NFATC2: variants seen among roughly 807,000 people sequenced by gnomAD.
The protein encoded by NFATC2 is nuclear factor of activated T-cells, cytoplasmic 2.
Under a neutral mutation model 87.3 loss-of-function variants are expected in NFATC2, and 22 were observed. That is an observed-to-expected ratio of 0.25 (90% confidence interval 0.18 to 0.36). The LOEUF (loss-of-function observed/expected upper bound fraction) is 0.36. NFATC2 is among the 10% of genes least tolerant of loss of function. The pLI is 1.00. For synonymous variants in NFATC2, 565 were observed against 542.2 expected (o/e 1.04, Z -0.58); for missense variants, 1,149 against 1,259.1 (o/e 0.91, Z 1.32).
At chr20:51,412,686 C>T (rs1314453346) in intron 9 of NFATC2, among the ~76,000 whole-genome samples, 1 of 152,098 alleles carries the variant, frequency 6.6e-6, no homozygotes, top group Non-Finnish European at 1.5e-5. Context: ...GATTCCTGGG[C>T]GTCCCCGGCC....
intron 6 of NFATC2, among the ~76,000 whole-genome samples, chr20:51,454,117 A>C (rs1418293832): frequency 6.6e-6 from 1 of 152,170 alleles, no homozygotes; most frequent in African/African-American, 2.4e-5. Flanking sequence ...AGAAATTTTA[A>C]CGGATAGGTA....
intron 1 of NFATC2, among the ~76,000 whole-genome samples, chr20:51,559,321 A>G (rs527892674): frequency 6.6e-6 from 1 of 152,224 alleles, no homozygotes; most frequent in Admixed American, 6.5e-5. Flanking sequence ...TAAGCCTTAT[A>G]CCCTCCACAT....
intron 3 of NFATC2, among the ~76,000 whole-genome samples, chr20:51,505,810 A>C (rs1050595593): frequency 6.6e-6 from 1 of 152,080 alleles, no homozygotes; most frequent in Non-Finnish European, 1.5e-5. Context: ...GGTGAGAGGG[A>C]ACGCCCTCCA....
intron 9 of NFATC2, among the ~76,000 whole-genome samples, chr20:51,422,731 G>C (rs1417581389): frequency 1.3e-5 from 2 of 152,184 alleles, no homozygotes; most frequent in African/African-American, 4.8e-5. Flanking sequence ...GGCAACCACA[G>C]CTACTTCAGG....
intron 9 of NFATC2, among the ~76,000 whole-genome samples, chr20:51,431,168 CA>C (rs1982649601): frequency 6.6e-6 from 1 of 152,144 alleles, no homozygotes; most frequent in East Asian, 1.9e-4. Flanking sequence ...TCTATATCCA[CA>C]AAAAATTTTA....
At chr20:51,510,262 T>C (rs2076251610) in intron 3 of NFATC2, among the ~76,000 whole-genome samples, 1 of 152,138 alleles carries the variant, frequency 6.6e-6, no homozygotes, top group South Asian at 2.1e-4. Context: ...GGTTAAAGGG[T>C]TTGGAAGCCG....
At chr20:51,437,128 A>C (rs887728591) in intron 6 of NFATC2, among the ~76,000 whole-genome samples, 1 of 152,146 alleles carries the variant, frequency 6.6e-6, no homozygotes, top group African/African-American at 2.4e-5. Flanking sequence ...AAAAAAAAAA[A>C]AAACCCTGCA....
At chr20:51,543,975 A>ATTTTTTTTTTTT (rs11473264), upstream of NFATC2, among the ~76,000 whole-genome samples, 79 of 72,980 alleles carry the variant, frequency 1.1e-3, 5 homozygotes, top group East Asian at 2.0e-3. Flanking sequence ...AGAATTCCTA[A>ATTTTTTTTTTTT]TTTTTTTTTT....
At chr20:51,528,420 G>T (rs201122641) in intron 1 of NFATC2, among the ~76,000 whole-genome samples, 2 of 57,502 alleles carry the variant, frequency 3.5e-5, no homozygotes, top group Non-Finnish European at 9.5e-5. Flanking sequence ...AATGTACACA[G>T]ACAGATGTAC....
chr20:51,492,527 G>A (rs1412655683), intron 3 of NFATC2, among the ~76,000 whole-genome samples: 1 of 152,214 alleles, frequency 6.6e-6, no homozygotes, highest in Admixed American at 6.5e-5. Flanking sequence ...AAAAGCCACA[G>A]GGGAAAGCTT....
intron 3 of NFATC2, among the ~76,000 whole-genome samples, chr20:51,512,460 G>A (rs551057541): frequency 1.3e-5 from 2 of 152,088 alleles, no homozygotes; most frequent in East Asian, 1.9e-4. Context: ...TGTATCACCT[G>A]CAACCAGCAC....
chr20:51,548,669 C>T (rs2076908651), intron 1 of NFATC2, among the ~76,000 whole-genome samples: 1 of 152,156 alleles, frequency 6.6e-6, no homozygotes, highest in South Asian at 2.1e-4. Context: ...TATCTGGCAA[C>T]CCCAGCTGTA....
At chr20:51,452,886 G>C (rs1449933229) in intron 6 of NFATC2, 1 of 154,768 alleles carries the variant, frequency 6.5e-6, no homozygotes, top group East Asian at 1.9e-4. Flanking sequence ...TCAGGGGATA[G>C]ATGATGGAGA....
intron 5 of NFATC2, among the ~76,000 whole-genome samples, chr20:51,459,188 G>A (rs149740007): frequency 2.0e-5 from 3 of 152,278 alleles, no homozygotes; most frequent in Non-Finnish European, 4.4e-5. Context: ...TAAACAAAGC[G>A]TGGTCTATCC....
intron 5 of NFATC2, among the ~76,000 whole-genome samples, chr20:51,461,037 C>T (rs1987095396): frequency 6.6e-6 from 1 of 152,210 alleles, no homozygotes. Flanking sequence ...ACGGGGAACT[C>T]CTCCAGGGCA....
chr20:51,396,445 C>G (rs1181274344), intron 10 of NFATC2, among the ~76,000 whole-genome samples: 1 of 152,162 alleles, frequency 6.6e-6, no homozygotes, highest in African/African-American at 2.4e-5. Context: ...CCTTTGACTG[C>G]TGACTTTGGA....
chr20:51,540,667 T>TTTTTTTGGTTTGTTTG (rs1555818370), intron 1 of NFATC2, among the ~76,000 whole-genome samples: 1 of 147,232 alleles, frequency 6.8e-6, no homozygotes, highest in Non-Finnish European at 1.5e-5. Flanking sequence ...TGTTTTTTTT[T>TTTTTTTGGTTTGTTTG]TTTTGAGAAA....
At position 51,480,651 on chromosome 20, in the gene NFATC2, G is replaced by T. The variant is rs1047998518; in HGVS notation, c.1333-4991C>A. Among the ~76,000 whole-genome samples the T allele has an allele frequency of 3.9e-5, 6 of 152,172 alleles. No individual in the cohort carries two copies. The highest frequency in any genetic ancestry group is 1.4e-4 in the African/African-American group (6 of 41,418). On this transcript the variant is annotated intron_variant, in intron 3 of 10. Coordinates refer to ENST00000371564, the MANE Select transcript of NFATC2 (RefSeq NM_012340.5). This position sits in a 1 kb window ranked among gnomAD's most constrained non-coding sequence, Gnocchi z 4.2. ...ATATCTGAATTTCGATGCCAGCTCT[G>T]CTTCTTGATGGCTGTGTGACTGTGA...
At chr20:51,541,262 A>G (rs756887043) in intron 1 of NFATC2, among the ~76,000 whole-genome samples, 1 of 152,018 alleles carries the variant, frequency 6.6e-6, no homozygotes, top group African/African-American at 2.4e-5. Flanking sequence ...TACACACTAG[A>G]TGGAGGCAAG....
Sources: gnomAD v4.1 joint callset for allele counts (sites outside exome capture counted in the v4.1 genomes callset) on GRCh38, gnomAD v4.1.1 for gene constraint, Gnocchi (gnomAD v3.1) non-coding constraint, MANE v1.5 for transcripts, NCBI Gene and HGNC (gene_info 2026-07-23, HGNC 2026-07-21) for gene names.